The following FRMPD4 variants were observed in gnomAD, a reference collection of about 807,000 sequenced individuals.
FRMPD4 encodes the protein FERM and PDZ domain containing 4, also known as FERM and PDZ domain-containing protein 4.
Under a neutral mutation model 94.1 loss-of-function variants are expected in FRMPD4, and 22 were observed. That is an observed-to-expected ratio of 0.23 (90% CI 0.17 to 0.33). FRMPD4 has a LOEUF of 0.33. Among genes scored for constraint, FRMPD4 ranks in the 10% least tolerant of loss-of-function variants. The pLI, the probability that FRMPD4 is intolerant of heterozygous loss-of-function variation, is 1.00. For synonymous variants in FRMPD4, 631 were observed against 548.6 expected (o/e 1.15, Z -2.10); for missense variants, 1,111 against 1,339.9 (o/e 0.83, Z 2.67).
intron 1 of FRMPD4, among the ~76,000 whole-genome samples, chrX:12,150,662 A>G (rs72612870): frequency 0.1 from 11,419 of 111,467 alleles, 1,104 homozygotes; most frequent in East Asian, 0.63. Flanking sequence ...TTTACGATAA[A>G]AGCATCCTAC....
chrX:11,923,653 GT>G (rs747508633), intron 3 of FRMPD4, among the ~76,000 whole-genome samples: 1 of 112,340 alleles, frequency 8.9e-6, no homozygotes, highest in South Asian at 3.7e-4. Context: ...TGCAGTCCAG[GT>G]GTTGAGAGTT....
chrX:12,483,222 C>T (rs928820591), intron 1 of FRMPD4, among the ~76,000 whole-genome samples: 2 of 111,648 alleles, frequency 1.8e-5, no homozygotes, highest in East Asian at 2.8e-4. Flanking sequence ...CTACAGACAA[C>T]GAAGTGGAGG....
At chrX:12,656,528 G>T (rs1490682717) in intron 4 of FRMPD4, among the ~76,000 whole-genome samples, 2 of 112,168 alleles carry the variant, frequency 1.8e-5, no homozygotes, top group African/African-American at 6.5e-5. Flanking sequence ...ACATCAATGA[G>T]AATAAATGAT....
At chrX:12,293,031 A>G (rs1033685162) in intron 1 of FRMPD4, among the ~76,000 whole-genome samples, 2 of 108,856 alleles carry the variant, frequency 1.8e-5, no homozygotes, top group African/African-American at 6.7e-5. Context: ...TCTATTCATC[A>G]CCTATCAGGT....
At chrX:11,896,686 A>G (rs889286886) in intron 3 of FRMPD4, among the ~76,000 whole-genome samples, 5 of 112,195 alleles carry the variant, frequency 4.5e-5, no homozygotes, top group Non-Finnish European at 9.4e-5. Flanking sequence ...TAAGACATCA[A>G]TGTAACATTA....
At chrX:12,680,282 T>C (rs753217434) in intron 5 of FRMPD4, among the ~76,000 whole-genome samples, 1 of 112,350 alleles carries the variant, frequency 8.9e-6, no homozygotes, top group Non-Finnish European at 1.9e-5. Context: ...TTCTAAATGA[T>C]AATTACTTGT....
intron 3 of FRMPD4, among the ~76,000 whole-genome samples, chrX:12,049,128 T>C (rs1162117700): frequency 8.9e-6 from 1 of 112,071 alleles, no homozygotes; most frequent in Non-Finnish European, 1.9e-5. Context: ...GTGTGGAATG[T>C]TTTTCCACTT....
intron 1 of FRMPD4, among the ~76,000 whole-genome samples, chrX:12,263,537 G>T (rs2054226339): frequency 9.0e-6 from 1 of 111,662 alleles, no homozygotes; most frequent in Non-Finnish European, 1.9e-5. Context: ...TCTTACTAAA[G>T]GCCTATGCTG....
At chrX:12,123,047 C>A (rs759932519) in intron 3 of FRMPD4, among the ~76,000 whole-genome samples, 1 of 110,350 alleles carries the variant, frequency 9.1e-6, no homozygotes, top group Non-Finnish European at 1.9e-5. Flanking sequence ...TACAGTTTAG[C>A]CCAGGTTTCC....
At chrX:12,498,542 G>T in intron 1 of FRMPD4, 138 bp from the exon 2 acceptor site, 2 of 542,283 alleles carry the variant, frequency 3.7e-6, no homozygotes, top group Middle Eastern at 3.2e-4. Context: ...AAAAGATAAT[G>T]TGTCGATTTT....
At chrX:12,319,465 AT>A (rs1254904859) in intron 1 of FRMPD4, among the ~76,000 whole-genome samples, 2 of 112,027 alleles carry the variant, frequency 1.8e-5, no homozygotes, top group African/African-American at 6.5e-5. Flanking sequence ...GGTGGTTCCC[AT>A]GTGTAGCCAA....
chrX:12,093,925 A>G (rs2055176819), intron 3 of FRMPD4, among the ~76,000 whole-genome samples: 1 of 111,604 alleles, frequency 9.0e-6, no homozygotes, highest in East Asian at 2.8e-4. Flanking sequence ...GAACCCTCCA[A>G]TTATTTAGAA....
intron 2 of FRMPD4, among the ~76,000 whole-genome samples, chrX:12,529,136 G>T (rs1272768585): frequency 8.9e-6 from 1 of 112,275 alleles, no homozygotes; most frequent in African/African-American, 3.2e-5. Context: ...AATCTCATTT[G>T]AAAGTTAGAT....
intron 1 of FRMPD4, among the ~76,000 whole-genome samples, chrX:12,425,053 G>A (rs1327313865): frequency 6.2e-5 from 7 of 112,201 alleles, no homozygotes; most frequent in South Asian, 3.7e-4. Flanking sequence ...TATTTGTACC[G>A]AATTAGTCAC....
intron 3 of FRMPD4, among the ~76,000 whole-genome samples, chrX:11,924,935 C>T (rs1297944122): frequency 9.0e-6 from 1 of 111,126 alleles, no homozygotes; most frequent in Non-Finnish European, 1.9e-5. Flanking sequence ...GGCTAAATGT[C>T]CCAATTAAAA....
At chrX:11,979,270 A>C (rs1440922120) in intron 3 of FRMPD4, among the ~76,000 whole-genome samples, 1 of 112,098 alleles carries the variant, frequency 8.9e-6, no homozygotes, top group Non-Finnish European at 1.9e-5. Flanking sequence ...GGTCAAGGTT[A>C]TGTTTTTGGA....
At chrX:12,130,102 AAGAGAGAGAGAG>A (rs10533802) in intron 3 of FRMPD4, among the ~76,000 whole-genome samples, 23 of 92,633 alleles carry the variant, frequency 2.5e-4, no homozygotes, top group East Asian at 3.9e-4. Context: ...GAGCCAGCGG[AAGAGAGAGAGAG>A]AGAGAGAGAG....
chrX:11,869,678 G>A (rs2053744956), intron 2 of FRMPD4, among the ~76,000 whole-genome samples: 1 of 111,403 alleles, frequency 9.0e-6, no homozygotes, highest in South Asian at 3.8e-4. Flanking sequence ...CTTGCTGTGA[G>A]GTCATTTTTG....
intron 13 of FRMPD4, among the ~76,000 whole-genome samples, chrX:12,709,457 A>G (rs963919433): frequency 2.7e-5 from 3 of 111,872 alleles, no homozygotes; most frequent in African/African-American, 9.8e-5. Context: ...ATAAGCTCCA[A>G]ATCTATGTCC....
Sources: allele counts gnomAD v4.1 joint callset (sites outside exome capture counted in the v4.1 genomes callset), GRCh38; gene constraint gnomAD v4.1.1; transcripts MANE v1.5; gene names NCBI Gene and HGNC (gene_info 2026-07-23, HGNC 2026-07-21).